POLD3: variants seen among roughly 807,000 people sequenced by gnomAD.
POLD3 encodes the protein DNA polymerase delta 3, accessory subunit, also known as DNA polymerase delta subunit 3.
A neutral mutation model predicts 58.2 loss-of-function variants in POLD3; 19 were observed. The ratio of observed to expected loss-of-function variants is 0.33; its 90% CI spans 0.23 to 0.48. POLD3 has a LOEUF of 0.48. POLD3 is among the 20% of genes least tolerant of loss of function. POLD3 has a pLI of 0.99. For synonymous variants in POLD3, 172 were observed against 193.5 expected (o/e 0.89, Z 0.92); for missense variants, 504 against 545.5 (o/e 0.92, Z 0.76).
intron 6 of POLD3, among the ~76,000 whole-genome samples, chr11:74,619,401 G>A (rs1157867780): frequency 6.6e-6 from 1 of 152,086 alleles, no homozygotes; most frequent in African/African-American, 2.4e-5. Context: ...CCAGTGTCAA[G>A]TGTATTTAAT....
At chr11:74,648,897 G>C (rs760981815) in intron 4 of POLD3, among the ~76,000 whole-genome samples, 9 of 152,208 alleles carry the variant, frequency 5.9e-5, no homozygotes, top group Admixed American at 2.0e-4. Flanking sequence ...TTTGAAGTTA[G>C]ATCTAGTTTT....
chr11:74,593,992 G>T, intron 1 of POLD3, 69 bp from the exon 2 acceptor site: 1 of 801,258 alleles, frequency 1.2e-6, no homozygotes, highest in South Asian at 1.5e-5. Context: ...TTTAGCAACA[G>T]ACCTTCGGGA....
intron 4 of POLD3, among the ~76,000 whole-genome samples, chr11:74,658,890 G>A (rs1214386157): frequency 6.6e-6 from 1 of 152,168 alleles, no homozygotes; most frequent in African/African-American, 2.4e-5. Context: ...CACGGTGCAA[G>A]CTGCCAGTGG....
At chr11:74,592,760 T>C (rs2031077192) in intron 1 of POLD3, 42 bp downstream of exon 1, 2 of 1,611,308 alleles carry the variant, frequency 1.2e-6, no homozygotes, top group African/African-American at 2.7e-5. Context: ...GCGACCGGGG[T>C]CCTGGGCCCG....
chr11:74,646,676 A>G (rs2135190338), downstream of POLD3, among the ~76,000 whole-genome samples: 1 of 152,308 alleles, frequency 6.6e-6, no homozygotes, highest in East Asian at 1.9e-4. Context: ...CCTCTGACTT[A>G]ACATTTATAA....
At chr11:74,613,267 G>C (rs1416924910) in intron 5 of POLD3, among the ~76,000 whole-genome samples, 1 of 151,496 alleles carries the variant, frequency 6.6e-6, no homozygotes, top group African/African-American at 2.4e-5. Context: ...AATGTTTGTC[G>C]TGCCCTCTCT....
chr11:74,653,894 GC>G (rs1408064781), intron 4 of POLD3, among the ~76,000 whole-genome samples: 1 of 152,184 alleles, frequency 6.6e-6, no homozygotes, highest in African/African-American at 2.4e-5. Context: ...CAAGCATGGT[GC>G]CAGCATCAGC....
intron 9 of POLD3, among the ~76,000 whole-genome samples, chr11:74,633,212 A>C (rs1455485258): frequency 6.6e-6 from 1 of 152,168 alleles, no homozygotes; most frequent in African/African-American, 2.4e-5. Context: ...ATTGTGGCCC[A>C]GCTTTCTTCA....
intron 4 of POLD3, among the ~76,000 whole-genome samples, chr11:74,659,315 A>T (rs55998226): frequency 6.6e-6 from 1 of 152,106 alleles, no homozygotes; most frequent in East Asian, 1.9e-4. Flanking sequence ...GACCTATGAA[A>T]CCACTTTTTC....
intron 8 of POLD3, among the ~76,000 whole-genome samples, chr11:74,627,738 C>T (rs2032473096): frequency 6.6e-6 from 1 of 152,034 alleles, no homozygotes; most frequent in African/African-American, 2.4e-5. Context: ...CAGTTGCCTA[C>T]AGTATTGAGT....
rs754733165 is a variant in POLD3 at position 74,634,609 on chromosome 11, G to A, written c.1033G>A (p.Glu345Lys). Residue 345 changes from glutamate (E) to lysine (K), a missense_variant, in exon 10 of 12, where the codon GAA becomes AAA. By Grantham distance (56) the Glu-to-Lys change is moderately conservative. Transcript: ENST00000263681. Reference sequence around the variant, plus strand: ...CTTTCCAGACTCTCCTGGGGCTTATGAAGCTGAGTCACCATCCCCACCTCC... The same window carrying A: ...CTTTCCAGACTCTCCTGGGGCTTATAAAGCTGAGTCACCATCCCCACCTCC... ...EVFPDSPGAY[E>K]AESPSPPPPP... The A allele has an allele frequency of 1.9e-6, 3 of 1,611,112 alleles. No individual in the cohort carries two copies. The African/African-American group carries it at 4.0e-5, about 21-fold the overall frequency.
intron 1 of POLD3, chr11:74,593,033 T>G (rs1242114955): frequency 1.7e-6 from 2 of 1,175,306 alleles, no homozygotes; most frequent in Non-Finnish European, 2.1e-6. Context: ...CACCTTTCTT[T>G]TAAGGTGGTT....
chr11:74,641,551 G>T lies in POLD3; in HGVS notation c.*785G>T, dbSNP rs2032914173. The T allele has an allele frequency of 3.0e-6, 3 of 985,362 alleles. No homozygotes were observed. Among genetic ancestry groups the T allele is most frequent in the Non-Finnish European group, 2.4e-6 (2 of 829,916 alleles). 61.0% of individuals were successfully genotyped at this position (985,362 alleles called of 1,614,324 possible). On this transcript the variant is annotated 3_prime_UTR_variant, in exon 12 of 12. Coordinates refer to ENST00000263681, the MANE Select transcript of POLD3 (RefSeq NM_006591.3). The stretch of plus-strand genomic sequence containing the variant: ...AGGAGCTGCCGTGCTGCTGATACGG[G>T]GTGTGCTTTATGCTGCTCTTTGCGG...
intron 2 of POLD3, 27 bp downstream of exon 2, chr11:74,594,143 A>G (rs776929228): frequency 7.2e-7 from 1 of 1,392,862 alleles, no homozygotes; most frequent in Non-Finnish European, 1.0e-6. Context: ...ACCAATTTTA[A>G]TCATATTGGA....
chr11:74,665,327 A>G (rs1162033919), intron 4 of POLD3, among the ~76,000 whole-genome samples: 3 of 148,908 alleles, frequency 2.0e-5, no homozygotes, highest in African/African-American at 7.3e-5. Flanking sequence ...CTGTCTCAAA[A>G]AAAAAAAAAA....
intron 4 of POLD3, among the ~76,000 whole-genome samples, chr11:74,648,339 G>A (rs891701539): frequency 2.6e-5 from 4 of 152,200 alleles, no homozygotes; most frequent in Non-Finnish European, 5.9e-5. Flanking sequence ...GGCCTGGGGA[G>A]AGGGCCACAT....
chr11:74,621,581 A>C lies in POLD3; in HGVS notation c.733+1492A>C, dbSNP rs143257001. ...ACCATACAGAAGTATGCTTATTTAAATCATGTGTTTAGTTAGCAAATAGAT... is the reference window on the plus strand; with the variant it reads ...ACCATACAGAAGTATGCTTATTTAACTCATGTGTTTAGTTAGCAAATAGAT... On this transcript the variant is annotated intron_variant, in intron 7 of 11. Coordinates refer to ENST00000263681, the MANE Select transcript of POLD3 (RefSeq NM_006591.3). 5.6e-3 allele frequency among the ~76,000 whole-genome samples: 852 copies of C among 152,230 alleles called. 6 individuals are homozygous for C. The highest frequency in any genetic ancestry group is 0.02 in the African/African-American group (813 of 41,518).
chr11:74,628,291 C>T (rs1310694946), intron 8 of POLD3, among the ~76,000 whole-genome samples: 1 of 152,050 alleles, frequency 6.6e-6, no homozygotes, highest in African/African-American at 2.4e-5. Flanking sequence ...AATTAATCTC[C>T]CAAAAATAAC....
At chr11:74,662,695 A>T (rs2033219306) in intron 4 of POLD3, among the ~76,000 whole-genome samples, 2 of 152,076 alleles carry the variant, frequency 1.3e-5, no homozygotes. Context: ...GTGTCTCACT[A>T]GGTCACATGC....
Sources: allele counts gnomAD v4.1 joint callset (sites outside exome capture counted in the v4.1 genomes callset), GRCh38; gene constraint gnomAD v4.1.1; transcripts MANE v1.5; gene names NCBI Gene and HGNC (gene_info 2026-07-23, HGNC 2026-07-21).